SCTR: variants seen among roughly 807,000 people sequenced by gnomAD.
The protein encoded by SCTR is secretin receptor, also known as pancreatic secretin receptor.
In SCTR, 56 loss-of-function variants were observed where a neutral mutation model predicts 60.8. That is an observed-to-expected ratio of 0.92 (90% CI 0.74 to 1.15). The LOEUF (loss-of-function observed/expected upper bound fraction) is 1.15. Ranked by LOEUF, SCTR falls within the 50% of genes most tolerant of loss-of-function variation. The probability of loss-of-function intolerance (pLI) is 0.00; values close to 1 mark genes in which losing one functional copy is unlikely to be tolerated. For missense variants in SCTR, 562 were observed against 550.4 expected, an observed-to-expected ratio of 1.02 and a Z score of -0.21; for synonymous variants, 202 against 217.0, an observed-to-expected ratio of 0.93 and a Z score of 0.61.
intron 11 of SCTR, among the ~76,000 whole-genome samples, chr2:119,442,608 G>A (rs1222710936): frequency 2.6e-5 from 4 of 152,250 alleles, no homozygotes; most frequent in Admixed American, 1.3e-4. Context: ...AGTTAGTGGC[G>A]AAGCTGGAAG....
At chr2:119,463,999 T>A (rs1025307554) in intron 6 of SCTR, 124 bp downstream of exon 6, 1 of 1,002,116 alleles carries the variant, frequency 1.0e-6, no homozygotes, top group Non-Finnish European at 1.5e-6. Context: ...TGCTTTATCC[T>A]TGGTATTAAG....
rs1678743222 is a variant in SCTR, at chr2:119,506,484, A to ATTTG, written c.73-11937_73-11936insCAAA. On this transcript the variant is annotated intron_variant, in intron 1 of 12. Coordinates refer to ENST00000019103, the MANE Select transcript of SCTR (RefSeq NM_002980.3). ...TTTATTTTATAATATTTATTTATTT[A>ATTTG]TTTATTTATCTTTTAGAGACAGGGT... 3.3e-5 allele frequency among the ~76,000 whole-genome samples: 5 copies of ATTTG among 151,196 alleles called. No individual in the cohort carries two copies. In the South Asian group the frequency reaches 6.3e-4, roughly 19 times the overall value.
chr2:119,441,634 G>A lies in SCTR; in HGVS notation c.1141-35C>T, dbSNP rs777368199. ...GAAGAGAGGTAGCAGGGTTAGCACA[G>A]GTGCTCAGCATGCGGCCTGAACCAG... On this transcript the variant is annotated intron_variant, in intron 11 of 12. Transcript: ENST00000019103. The A allele has an allele frequency of 1.4e-5, 22 of 1,605,288 alleles. No homozygotes were observed. In the East Asian group the frequency reaches 4.2e-4, roughly 31 times the overall value.
At chr2:119,497,099 C>G (rs1678379075) in intron 1 of SCTR, among the ~76,000 whole-genome samples, 1 of 152,196 alleles carries the variant, frequency 6.6e-6, no homozygotes, top group African/African-American at 2.4e-5. Context: ...CATGTCTTCA[C>G]CAGAAGGTGT....
chr2:119,499,285 T>G (rs1678453228), intron 1 of SCTR, among the ~76,000 whole-genome samples: 1 of 152,068 alleles, frequency 6.6e-6, no homozygotes, highest in Non-Finnish European at 1.5e-5. Flanking sequence ...AGTTGGAGAC[T>G]ACACACTCTT....
chr2:119,446,491 C>A (rs1049431240), intron 11 of SCTR, among the ~76,000 whole-genome samples: 23 of 152,140 alleles, frequency 1.5e-4, no homozygotes, highest in African/African-American at 5.6e-4. Context: ...GAGAGTTGTA[C>A]AATATAGTGT....
chr2:119,522,021 G>A (rs975384390), intron 1 of SCTR, among the ~76,000 whole-genome samples: 9 of 152,218 alleles, frequency 5.9e-5, no homozygotes, highest in East Asian at 1.9e-4. Flanking sequence ...ACCGCCGGGC[G>A]CGGTGGTTCA....
Position 119,524,350 on chromosome 2 carries a change from T to C in SCTR, c.-124A>G. On this transcript the variant is annotated 5_prime_UTR_variant, in exon 1 of 13. An upstream start codon of the reference 5' UTR is lost. Transcript: ENST00000019103. ...CCGGCCGCTGCGCCCCGAGGAGCCATGGCTGAGCCACCCGACCTGCGGCGG... is the reference window on the plus strand; with the variant it reads ...CCGGCCGCTGCGCCCCGAGGAGCCACGGCTGAGCCACCCGACCTGCGGCGG... 1 of 580,646 alleles carries C rather than the reference T, an allele frequency of 1.7e-6. No homozygotes were observed. Among genetic ancestry groups the C allele is most frequent in the Non-Finnish European group, 2.6e-6 (1 of 379,808 alleles). The allele number at this position is 580,646 out of a possible 1,614,324, so 36.0% of individuals were successfully genotyped here.
At chr2:119,471,665 C>A (rs903398916) in intron 4 of SCTR, among the ~76,000 whole-genome samples, 11 of 152,232 alleles carry the variant, frequency 7.2e-5, no homozygotes, top group African/African-American at 2.4e-4. Flanking sequence ...TCACCCTACC[C>A]TCCAAGGGAC....
intron 3 of SCTR, among the ~76,000 whole-genome samples, chr2:119,475,043 G>A (rs1037109626): frequency 1.4e-4 from 21 of 152,230 alleles, no homozygotes; most frequent in African/African-American, 4.8e-4. Context: ...GAACATGAGA[G>A]CACACGGAAA....
intron 9 of SCTR, among the ~76,000 whole-genome samples, chr2:119,449,951 A>G (rs1410709021): frequency 9.1e-6 from 1 of 110,210 alleles, no homozygotes; most frequent in African/African-American, 3.5e-5. Context: ...AAAAGAAGGA[A>G]GGAAGGAAGG....
At chr2:119,441,726 GC>G (rs1443094242) in intron 11 of SCTR, 127 bp from the exon 12 acceptor site, 2 of 800,656 alleles carry the variant, frequency 2.5e-6, no homozygotes, top group Non-Finnish European at 4.2e-6. Context: ...CACCTCTCTT[GC>G]CTCACTGGGA....
At chr2:119,467,305 G>T (rs2104814116) in intron 4 of SCTR, among the ~76,000 whole-genome samples, 1 of 152,116 alleles carries the variant, frequency 6.6e-6, no homozygotes, top group South Asian at 2.1e-4. Context: ...CTTGAACCCG[G>T]GAGGTGGGGG....
At chr2:119,474,158 C>T (rs986700510) in intron 3 of SCTR, among the ~76,000 whole-genome samples, 2 of 152,220 alleles carry the variant, frequency 1.3e-5, no homozygotes, top group South Asian at 2.1e-4. Context: ...CACTGCCCCC[C>T]ACCCCTGGCA....
At chr2:119,507,928 C>T (rs539767388) in intron 1 of SCTR, among the ~76,000 whole-genome samples, 15 of 152,210 alleles carry the variant, frequency 9.9e-5, no homozygotes, top group South Asian at 4.1e-4. Flanking sequence ...CTGCCCATCT[C>T]GGCCTCCCAA....
chr2:119,465,780 TGTTCTCACC>T lies in SCTR; in HGVS notation c.503_503+8del, dbSNP rs1404208336. 1 of 1,593,706 alleles carries T rather than the reference TGTTCTCACC, an allele frequency of 6.3e-7. No individual in the cohort carries two copies. Among genetic ancestry groups the T allele is most frequent in the Non-Finnish European group, 8.6e-7 (1 of 1,161,454 alleles). ...GCTGGGGTATGGAGAGCTGGCAGTG[TGTTCTCACC>T]GGAAAGCACAGAGGATGCCAAGGGC... On this transcript the variant is annotated splice_donor_variant and splice_donor_5th_base_variant and coding_sequence_variant and intron_variant, in exon 5 of 13. Transcript: ENST00000019103. LOFTEE classifies it high-confidence loss of function.
At chr2:119,519,089 TC>T (rs1322305507) in intron 1 of SCTR, among the ~76,000 whole-genome samples, 2 of 152,164 alleles carry the variant, frequency 1.3e-5, no homozygotes, top group Non-Finnish European at 2.9e-5. Flanking sequence ...TGCCTCAGCT[TC>T]CCGAGTAGCT....
chr2:119,502,851 G>C (rs1678597970), intron 1 of SCTR, among the ~76,000 whole-genome samples: 1 of 150,140 alleles, frequency 6.7e-6, no homozygotes, highest in Non-Finnish European at 1.5e-5. Flanking sequence ...AGAAAGAAAA[G>C]AAAAAAGAAG....
chr2:119,496,160 G>T (rs1678336363), intron 1 of SCTR, among the ~76,000 whole-genome samples: 1 of 152,206 alleles, frequency 6.6e-6, no homozygotes, highest in African/African-American at 2.4e-5. Flanking sequence ...GAGCTTGAGT[G>T]GAAAAATCCA....
Sources: gnomAD v4.1 joint callset for allele counts (sites outside exome capture counted in the v4.1 genomes callset) on GRCh38, gnomAD v4.1.1 for gene constraint, MANE v1.5 for transcripts, NCBI Gene and HGNC (gene_info 2026-07-23, HGNC 2026-07-21) for gene names.